PRX: variants seen among roughly 807,000 people sequenced by gnomAD.
PRX encodes the protein periaxin.
PRX carries 24 observed loss-of-function variants against 29.6 expected under a neutral mutation model. The observed-to-expected ratio is 0.81, with a 90% CI of 0.59 to 1.14. The LOEUF (loss-of-function observed/expected upper bound fraction) is 1.14. Ranked by LOEUF, PRX falls within the 50% of genes most tolerant of loss-of-function variation. The pLI is 0.00. For synonymous variants in PRX, 772 were observed against 831.7 expected, an observed-to-expected ratio of 0.93 and a Z score of 1.24; for missense variants, 1,838 against 1,926.4, an observed-to-expected ratio of 0.95 and a Z score of 0.86.
chr19:40,408,007 C>T lies in PRX; in HGVS notation c.-75G>A. The T allele has an allele frequency of 6.3e-7, 1 of 1,599,526 alleles. No homozygotes were observed. Among genetic ancestry groups the T allele is most frequent in the Non-Finnish European group, 8.5e-7 (1 of 1,171,020 alleles). On this transcript the variant is annotated 5_prime_UTR_variant, in exon 4 of 7. Coordinates refer to ENST00000324001, the MANE Select transcript of PRX (RefSeq NM_181882.3). The stretch of plus-strand genomic sequence containing the variant: ...TTCTGCTGCAGAACCAGCTTCAGTT[C>T]TGCATGGAGCAGCTGCCTCTGAGCC...
upstream of PRX, among the ~76,000 whole-genome samples, chr19:40,414,148 G>A (rs1189868624): frequency 6.6e-6 from 1 of 151,946 alleles, no homozygotes; most frequent in Non-Finnish European, 1.5e-5. Context: ...TTTGAGACAA[G>A]GTCTCACTCT....
At chr19:40,412,947 G>A (rs577735619) in intron 1 of PRX, among the ~76,000 whole-genome samples, 11 of 152,158 alleles carry the variant, frequency 7.2e-5, no homozygotes, top group South Asian at 2.1e-4. Context: ...GGCTGGTCTC[G>A]AACTCCTGGG....
Position 40,398,880 on chromosome 19 carries a change from G to A in PRX, c.185-64C>T. On this transcript the variant is annotated intron_variant, in intron 5 of 6. Transcript: ENST00000324001. The surrounding 1 kb of genome is among the most constrained non-coding windows in gnomAD (Gnocchi z 6.3). ...CCCGGCTCCGCCCGGGCCTAGTTCT[G>A]CCCACTTGCACGGAGCCCTCGCGGT... is the stretch of plus-strand genomic sequence containing the variant. 1 of 1,610,588 alleles carries A rather than the reference G, an allele frequency of 6.2e-7. No homozygotes were observed. The highest frequency in any genetic ancestry group is 8.5e-7 in the Non-Finnish European group (1 of 1,178,772).
intron 5 of PRX, among the ~76,000 whole-genome samples, chr19:40,399,827 A>G (rs1202595615): frequency 6.8e-6 from 1 of 147,202 alleles, no homozygotes; most frequent in Non-Finnish European, 1.5e-5. Flanking sequence ...TACAGGCGTG[A>G]GCCACTACAC....
In PRX at chr19:40,396,409, G is replaced by A. The variant is rs370430836; in HGVS notation, c.1943C>T (p.Ala648Val). The A allele has an allele frequency of 6.2e-7, 1 of 1,613,690 alleles. No homozygotes were observed. The highest frequency in any genetic ancestry group is 1.7e-4 in the Middle Eastern group (1 of 6,058). Residue 648 changes from alanine to valine, a missense_variant, in exon 7 of 7, where the codon GCT (alanine) becomes GTT (valine). This residue lies in a region of PRX where 1,143 missense variants were observed against 1,193.0 expected (regional missense o/e 0.96). Transcript: ENST00000324001. ...EVKLPKVPEM[A>V]VPDVHLPEVQ... ...TTCCGGGAGGTGCACATCGGGCACA[G>A]CCATCTCGGGCACCTTCGGGAGTTT...
At chr19:40,412,431 C>T (rs1568719322) in intron 1 of PRX, among the ~76,000 whole-genome samples, 1 of 152,196 alleles carries the variant, frequency 6.6e-6, no homozygotes, top group Non-Finnish European at 1.5e-5. Flanking sequence ...TGTGAGAGAA[C>T]AGCAGGTGCT....
rs761620847 is a variant in PRX, at chr19:40,396,968, C to G, written c.1384G>C (p.Glu462Gln). 1.2e-6 allele frequency: 2 copies of G among 1,614,178 alleles called. No individual in the cohort carries two copies. The highest frequency in any genetic ancestry group is 1.7e-6 in the Non-Finnish European group (2 of 1,180,028). Residue 462 changes from glutamate (E) to glutamine (Q), a missense_variant, in exon 7 of 7, where the codon GAG (glutamate) becomes CAG (glutamine). Glu to Gln is a conservative substitution (Grantham distance 29). Coordinates refer to ENST00000324001, the MANE Select transcript of PRX (RefSeq NM_181882.3). Reference sequence around the variant, plus strand: ...AGCTCCACCTCTGGGAGTCGAACCTCTGGAAGGGCTGCCTCGGGCACTTTT... The same window carrying G: ...AGCTCCACCTCTGGGAGTCGAACCTGTGGAAGGGCTGCCTCGGGCACTTTT... ...LPKVPEAALP[E>Q]VRLPEVELPK...
chr19:40,397,211 T>G lies in PRX; in HGVS notation c.1141A>C (p.Ser381Arg), dbSNP rs1049349860. Reference protein sequence around the residue: ...EVAEAKVAKVSPEARVKGPRL... With the variant: ...EVAEAKVAKVRPEARVKGPRL... ...GGACCTTTCACCCTGGCCTCAGGGCTGACCTTGGCTACCTTGGCCTCAGCA... is the reference window on the plus strand; with the variant it reads ...GGACCTTTCACCCTGGCCTCAGGGCGGACCTTGGCTACCTTGGCCTCAGCA... The change falls in exon 7 of 7, where the codon AGC becomes CGC. Residue 381 changes from serine to arginine, a missense_variant. Transcript: ENST00000324001. The G allele has an allele frequency of 1.9e-5, 31 of 1,614,006 alleles. No homozygotes were observed. The highest frequency in any genetic ancestry group is 2.4e-5 in the Non-Finnish European group (28 of 1,180,034).
chr19:40,404,759 G>A (rs1180062942), intron 4 of PRX, among the ~76,000 whole-genome samples: 1 of 151,720 alleles, frequency 6.6e-6, no homozygotes, highest in African/African-American at 2.4e-5. Context: ...TTTTTTAAGA[G>A]ACAGGGGTAT....
intron 1 of PRX, among the ~76,000 whole-genome samples, chr19:40,408,892 G>A (rs1002646742): frequency 2.6e-5 from 4 of 151,932 alleles, no homozygotes; most frequent in Admixed American, 6.6e-5. Context: ...GTGCAATGGC[G>A]CGATCTTGGC....
Position 40,398,011 on chromosome 19 carries a change from G to A in PRX, c.382-41C>T. ...AGAGGCAGGAGGCGGTGGGACAGTG[G>A]GAGGCTGGGAGTGGACAGGAAGAGC... On this transcript the variant is annotated intron_variant, in intron 6 of 6. Transcript: ENST00000324001. This position sits in a 1 kb window ranked among gnomAD's most constrained non-coding sequence, Gnocchi z 6.3. The A allele has an allele frequency of 6.3e-7, 1 of 1,577,308 alleles. No homozygotes were observed. Among genetic ancestry groups the A allele is most frequent in the Non-Finnish European group, 8.6e-7 (1 of 1,161,178 alleles).
Position 40,398,784 on chromosome 19 carries a change from CG to C in PRX, c.216del (p.Phe72LeufsTer25), listed in dbSNP as rs777481772. On this transcript the variant is annotated frameshift_variant, in exon 6 of 7. Coordinates refer to ENST00000324001, the MANE Select transcript of PRX (RefSeq NM_181882.3). LOFTEE classifies it high-confidence loss of function. This position sits in a 1 kb window ranked among gnomAD's most constrained non-coding sequence, Gnocchi z 6.3. ...AGTGCGTCCTCGTACTTGAAGTTCT[CG>C]AAGAACACTCGGGCACTCAGCAGCT... is the stretch of plus-strand genomic sequence containing the variant. ...GDQLLSARVF[F>X]ENFKYEDALR... The C allele has an allele frequency of 2.5e-6, 4 of 1,614,054 alleles. No individual in the cohort carries two copies. The highest frequency in any genetic ancestry group is 8.5e-7 in the Non-Finnish European group (1 of 1,179,966).
In PRX at chr19:40,398,275, A is replaced by G. The variant is rs993674310; in HGVS notation, c.382-305T>C. The G allele has an allele frequency of 5.7e-6, 8 of 1,413,076 alleles. No individual in the cohort carries two copies. The highest frequency in any genetic ancestry group is 7.4e-6 in the Non-Finnish European group (8 of 1,087,724). 87.5% of individuals were successfully genotyped at this position (1,413,076 alleles called of 1,614,324 possible). Reference sequence around the variant, plus strand: ...GATGGGGAAACTGAGGCCCAGGGAGAGAAACAACTTTGTCCAGGGCCACTC... The same window carrying G: ...GATGGGGAAACTGAGGCCCAGGGAGGGAAACAACTTTGTCCAGGGCCACTC... On this transcript the variant is annotated intron_variant, in intron 6 of 6. Transcript: ENST00000324001. This position sits in a 1 kb window ranked among gnomAD's most constrained non-coding sequence, Gnocchi z 6.3.
Position 40,403,757 on chromosome 19 carries a change from G to T in PRX, c.133C>A (p.Arg45=). 6.3e-7 allele frequency: 1 copy of T among 1,587,822 alleles called. No homozygotes were observed. Among genetic ancestry groups the T allele is most frequent in the Non-Finnish European group, 8.6e-7 (1 of 1,168,458 alleles). Residue 45 remains arginine, a synonymous_variant, in exon 5 of 7, where the codon CGG becomes AGG. Coordinates refer to ENST00000324001, the MANE Select transcript of PRX (RefSeq NM_181882.3). ...AGGGKEGIFV[R]ELREDSPAAR... ...GCGGGTGAGTCCTCGCGCAGCTCCC[G>T]AACGAAGATTCCCTCTTTGCCGCCG...
At chr19:40,399,899 C>CTTTCTT (rs1178411715) in intron 5 of PRX, among the ~76,000 whole-genome samples, 2 of 67,600 alleles carry the variant, frequency 3.0e-5, no homozygotes, top group Non-Finnish European at 5.7e-5. Flanking sequence ...TTCTTTCTTT[C>CTTTCTT]TTTCTTTTTC....
intron 5 of PRX, among the ~76,000 whole-genome samples, chr19:40,403,367 C>T (rs1035098499): frequency 8.5e-5 from 13 of 152,128 alleles, no homozygotes; most frequent in Non-Finnish European, 1.9e-4. Context: ...GCACTATGTG[C>T]CACTTAGCTA....
At position 40,395,256 on chromosome 19, in the gene PRX, G is replaced by A. The variant is rs746300226; in HGVS notation, c.3096C>T (p.Asp1032=). The A allele has an allele frequency of 2.5e-6, 4 of 1,613,850 alleles. No individual in the cohort carries two copies. Among genetic ancestry groups the A allele is most frequent in the Non-Finnish European group, 2.5e-6 (3 of 1,180,036 alleles). ...ALPKFGVRGR[D]TEAAELVPGV... Reference sequence around the variant, plus strand: ...CTGGCACTAGTTCTGCTGCCTCAGTGTCCCGGCCTCTGACCCCAAACTTGG... The same window carrying A: ...CTGGCACTAGTTCTGCTGCCTCAGTATCCCGGCCTCTGACCCCAAACTTGG... The change falls in exon 7 of 7, where the codon GAC becomes GAT. Residue 1032 remains aspartate (D), a synonymous_variant. Coordinates refer to ENST00000324001, the MANE Select transcript of PRX (RefSeq NM_181882.3).
In PRX at chr19:40,394,071, G is replaced by A; in HGVS notation, c.4281C>T (p.Asp1427=). ...GCACCCGCAATCCACCCTCTTCCTG[G>A]TCCCCACTCCCACTCCGGGCCTTGG... The part of the protein sequence containing the change: ...LSPKARSGSG[D]QEEGGLRVRL... The change falls in exon 7 of 7, where the codon GAC becomes GAT. Residue 1427 remains aspartate (D), a synonymous_variant. Coordinates refer to ENST00000324001, the MANE Select transcript of PRX (RefSeq NM_181882.3). The surrounding 1 kb of genome is among the most constrained non-coding windows in gnomAD (Gnocchi z 5.8). 2 of 1,611,914 alleles carry A rather than the reference G, an allele frequency of 1.2e-6. No individual in the cohort carries two copies. Among genetic ancestry groups the A allele is most frequent in the Non-Finnish European group, 1.7e-6 (2 of 1,178,448 alleles).
intron 5 of PRX, among the ~76,000 whole-genome samples, chr19:40,399,850 C>CCTTTCCTTCTTT: frequency 8.4e-6 from 1 of 119,742 alleles, no homozygotes; most frequent in South Asian, 2.9e-4. Context: ...AGCTTTCTTT[C>CCTTTCCTTCTTT]CTTTCTTTCT....
Sources: allele counts gnomAD v4.1 joint callset (sites outside exome capture counted in the v4.1 genomes callset), GRCh38; gene constraint gnomAD v4.1.1; regional missense constraint gnomAD v4.1.1; non-coding constraint Gnocchi (gnomAD v3.1); transcripts MANE v1.5; gene names NCBI Gene and HGNC (gene_info 2026-07-23, HGNC 2026-07-21).